MYO5C: variants seen among roughly 807,000 people sequenced by gnomAD.
MYO5C encodes the protein unconventional myosin-Vc.
Under a neutral mutation model 235.7 loss-of-function variants are expected in MYO5C, and 194 were observed. The ratio of observed to expected loss-of-function variants is 0.82; its 90% CI spans 0.73 to 0.93. The LOEUF (loss-of-function observed/expected upper bound fraction) is 0.93, where lower values mean the gene tolerates loss of function less well. MYO5C is among the 40% of genes least tolerant of loss of function. The pLI, the probability that MYO5C is intolerant of heterozygous loss-of-function variation, is 0.00. For missense variants in MYO5C, 2,038 were observed against 2,127.2 expected (o/e 0.96, Z 0.82); for synonymous variants, 707 against 754.8 (o/e 0.94, Z 1.04).
rs768936282 is a variant in MYO5C at position 52,253,402 on chromosome 15, A to C, written c.1451T>G (p.Leu484Arg). 6.2e-6 allele frequency: 10 copies of C among 1,614,010 alleles called. No homozygotes were observed. In the South Asian group the frequency reaches 1.1e-4, roughly 18 times the overall value. ...TGGTTGATTGTCATAAAAATCTATC[A>C]GCGTCCAAGGTATATCTTCCTTCAT... ...EYMKEDIPWT[L>R]IDFYDNQPVI... The change falls in exon 12 of 41, where the codon CTG becomes CGG. Residue 484 changes from leucine to arginine, a missense_variant. By Grantham distance (102) the Leu-to-Arg change is moderately radical. Coordinates refer to ENST00000261839, the MANE Select transcript of MYO5C (RefSeq NM_018728.4).
At chr15:52,273,988 C>A (rs2036982461) in intron 5 of MYO5C, among the ~76,000 whole-genome samples, 1 of 152,124 alleles carries the variant, frequency 6.6e-6, no homozygotes, top group Non-Finnish European at 1.5e-5. Context: ...TCCTTCCCAT[C>A]CCTCACACTC....
chr15:52,228,801 G>GTGTTTA (rs1245378065), intron 25 of MYO5C, among the ~76,000 whole-genome samples: 1 of 152,178 alleles, frequency 6.6e-6, no homozygotes, highest in African/African-American at 2.4e-5. Context: ...TTTAATGCAG[G>GTGTTTA]TGTTTATAGA....
intron 24 of MYO5C, among the ~76,000 whole-genome samples, chr15:52,230,561 C>A (rs2035925404): frequency 6.6e-6 from 1 of 150,604 alleles, no homozygotes; most frequent in South Asian, 2.1e-4. Flanking sequence ...AGGTGCCCAA[C>A]ACCACACCCA....
chr15:52,205,199 C>T, intron 37 of MYO5C, 52 bp from the exon 38 acceptor site: 1 of 1,581,456 alleles, frequency 6.3e-7, no homozygotes, highest in Non-Finnish European at 8.6e-7. Flanking sequence ...ACACGCGGAA[C>T]GTTCCCGACG....
intron 8 of MYO5C, among the ~76,000 whole-genome samples, chr15:52,269,101 C>A (rs921394549): frequency 1.3e-5 from 2 of 152,226 alleles, no homozygotes; most frequent in Non-Finnish European, 2.9e-5. Flanking sequence ...ATGAAGGCCA[C>A]AGAGGGCCAA....
chr15:52,256,645 A>G lies in MYO5C; in HGVS notation c.1389T>C (p.Phe463=). 6.2e-7 allele frequency: 1 copy of G among 1,607,940 alleles called. No homozygotes were observed. Among genetic ancestry groups the G allele is most frequent in the Non-Finnish European group, 8.5e-7 (1 of 1,176,516 alleles). Residue 463 remains phenylalanine, a synonymous_variant, in exon 11 of 41, where the codon TTT becomes TTC. Transcript: ENST00000261839. ...AGGCAGAAAGGTCACCTACCATGTT[A>G]AACTGTTGTTGCAGTTTTTCATTAG... The part of the protein sequence containing the change: ...NYANEKLQQQ[F]NMHVFKLEQE...
At chr15:52,285,389 G>T (rs1387718537) in intron 1 of MYO5C, among the ~76,000 whole-genome samples, 1 of 143,514 alleles carries the variant, frequency 7.0e-6, no homozygotes, top group African/African-American at 2.6e-5. Context: ...AAAACAAACA[G>T]GCTCTCGCTC....
chr15:52,241,747 T>TGAGA (rs113008171), intron 20 of MYO5C, among the ~76,000 whole-genome samples: 19 of 148,162 alleles, frequency 1.3e-4, no homozygotes, highest in South Asian at 4.3e-4. Context: ...TGTGTGTGTG[T>TGAGA]GTGTGAGAGA....
intron 20 of MYO5C, among the ~76,000 whole-genome samples, chr15:52,241,762 G>GAA (rs1307089170): frequency 1.3e-4 from 20 of 151,394 alleles, no homozygotes; most frequent in African/African-American, 4.4e-4. Flanking sequence ...GAGAGAGAGA[G>GAA]ACAGGGTCTC....
intron 7 of MYO5C, among the ~76,000 whole-genome samples, chr15:52,271,439 G>C (rs2036923292): frequency 6.6e-6 from 1 of 152,086 alleles, no homozygotes; most frequent in African/African-American, 2.4e-5. Flanking sequence ...ATGTTGGCCA[G>C]GCTGGTCTCT....
intron 1 of MYO5C, among the ~76,000 whole-genome samples, chr15:52,291,735 T>TTTTTTTTG (rs2037394083): frequency 1.4e-5 from 1 of 69,800 alleles, no homozygotes; most frequent in Non-Finnish European, 3.3e-5. Flanking sequence ...TTTTATGTTT[T>TTTTTTTTG]TTTTTTTTTT....
chr15:52,255,262 G>C (rs2036556423), intron 11 of MYO5C, among the ~76,000 whole-genome samples: 1 of 152,224 alleles, frequency 6.6e-6, no homozygotes, highest in South Asian at 2.1e-4. Context: ...AATTTAGTTT[G>C]AGCCAAAGCC....
intron 25 of MYO5C, among the ~76,000 whole-genome samples, chr15:52,228,026 C>G (rs2035866808): frequency 6.6e-6 from 1 of 152,208 alleles, no homozygotes; most frequent in South Asian, 2.1e-4. Context: ...AAACAATTCA[C>G]TTAAGCCTTG....
rs55845002 is a variant in MYO5C at position 52,244,246 on chromosome 15, A to C, written c.2390+110T>G. On this transcript the variant is annotated intron_variant, in intron 19 of 40. Coordinates refer to ENST00000261839, the MANE Select transcript of MYO5C (RefSeq NM_018728.4). ...ACAAAGGGGACCCATGCACGTCTGCACCCTGGGTCACAGGAGAAAGGTCCC... is the reference window on the plus strand; with the variant it reads ...ACAAAGGGGACCCATGCACGTCTGCCCCCTGGGTCACAGGAGAAAGGTCCC... The C allele has an allele frequency of 5.6e-3, 6,004 of 1,063,086 alleles. 28 individuals are homozygous for C. Among genetic ancestry groups the C allele is most frequent in the Admixed American group, 7.8e-3 (345 of 44,380 alleles). The allele number at this position is 1,063,086 out of a possible 1,614,324, so 65.9% of individuals were successfully genotyped here. A position where few individuals can be genotyped will look rare whatever the true frequency, so the allele number is the denominator to read the frequency against.
chr15:52,256,128 C>T (rs1278112856), intron 11 of MYO5C, among the ~76,000 whole-genome samples: 1 of 152,136 alleles, frequency 6.6e-6, no homozygotes, highest in Non-Finnish European at 1.5e-5. Context: ...AACTTGCATG[C>T]AAATGATGAT....
At chr15:52,283,347 CT>C (rs1209552219) in intron 1 of MYO5C, among the ~76,000 whole-genome samples, 1 of 152,222 alleles carries the variant, frequency 6.6e-6, no homozygotes, top group African/African-American at 2.4e-5. Context: ...AGACTTTGTA[CT>C]TGAAAGAACT....
intron 38 of MYO5C, among the ~76,000 whole-genome samples, chr15:52,197,539 C>T (rs964675300): frequency 2.0e-5 from 3 of 152,228 alleles, no homozygotes; most frequent in South Asian, 2.1e-4. Flanking sequence ...AGGTTTCGTT[C>T]TGGAGGGATG....
intron 37 of MYO5C, chr15:52,205,580 A>G: frequency 2.8e-6 from 1 of 351,774 alleles, no homozygotes; most frequent in Admixed American, 4.2e-5. Flanking sequence ...AGTTTCCCCA[A>G]GTTTTTTCCT....
intron 35 of MYO5C, among the ~76,000 whole-genome samples, chr15:52,211,086 G>C (rs2035431762): frequency 6.6e-6 from 1 of 152,180 alleles, no homozygotes; most frequent in African/African-American, 2.4e-5. Context: ...CACCGACTTA[G>C]GGAATGGCCA....
Sources: allele counts gnomAD v4.1 joint callset (sites outside exome capture counted in the v4.1 genomes callset), GRCh38; gene constraint gnomAD v4.1.1; transcripts MANE v1.5; gene names NCBI Gene and HGNC (gene_info 2026-07-23, HGNC 2026-07-21).